Variants in DPP10 observed in about 807,000 individuals in gnomAD.
DPP10 encodes inactive dipeptidyl peptidase 10.
Under a neutral mutation model 120.9 loss-of-function variants are expected in DPP10, and 33 were observed. The ratio of observed to expected loss-of-function variants is 0.27; its 90% CI spans 0.21 to 0.37. DPP10 has a LOEUF of 0.37. DPP10 is among the 10% of genes least tolerant of loss of function. The pLI is 1.00. For synonymous variants in DPP10, 337 were observed against 326.1 expected (o/e 1.03, Z -0.36); for missense variants, 816 against 942.8 (o/e 0.87, Z 1.76).
intron 1 of DPP10, chr2:115,064,905 A>G: frequency 1.7e-6 from 2 of 1,205,888 alleles, no homozygotes; most frequent in Non-Finnish European, 2.2e-6. Context: ...GTCTTTTCCT[A>G]TTTTTCTTTT....
chr2:115,382,380 A>G (rs1265490721), intron 3 of DPP10, among the ~76,000 whole-genome samples: 30 of 152,006 alleles, frequency 2.0e-4, no homozygotes, highest in Middle Eastern at 3.4e-3. Context: ...GACCCCTTGC[A>G]CTTCCTGAGT....
At chr2:115,187,781 C>T (rs534857981) in intron 1 of DPP10, among the ~76,000 whole-genome samples, 8 of 152,182 alleles carry the variant, frequency 5.3e-5, no homozygotes, top group South Asian at 4.2e-4. Flanking sequence ...GCGGTCAGAT[C>T]GCTTGAGCCA....
At chr2:114,800,988 G>A (rs1684144373) in intron 1 of DPP10, among the ~76,000 whole-genome samples, 1 of 151,766 alleles carries the variant, frequency 6.6e-6, no homozygotes, top group African/African-American at 2.4e-5. Context: ...AATGGGCCGG[G>A]CACGGTGGCT....
At chr2:114,891,572 G>A (rs553795039) in intron 1 of DPP10, among the ~76,000 whole-genome samples, 1 of 152,290 alleles carries the variant, frequency 6.6e-6, no homozygotes, top group Non-Finnish European at 1.5e-5. Context: ...TGAGCTATGT[G>A]GAATGAACCA....
intron 1 of DPP10, among the ~76,000 whole-genome samples, chr2:114,509,590 G>T (rs1326670084): frequency 1.3e-5 from 2 of 152,326 alleles, no homozygotes; most frequent in East Asian, 3.9e-4. Context: ...ACAGCGTAGG[G>T]CTCCATACAG....
intron 1 of DPP10, among the ~76,000 whole-genome samples, chr2:114,556,471 G>A (rs1688324591): frequency 6.6e-6 from 1 of 151,810 alleles, no homozygotes; most frequent in South Asian, 2.1e-4. Context: ...AGACTTTGTG[G>A]GTAGTGAAGA....
chr2:115,316,218 G>C (rs2061784521), intron 2 of DPP10, among the ~76,000 whole-genome samples: 1 of 152,038 alleles, frequency 6.6e-6, no homozygotes, highest in Non-Finnish European at 1.5e-5. Context: ...ATTCATCTGA[G>C]TCTTACAAGT....
chr2:115,792,275 A>C (rs1242825581), intron 19 of DPP10, among the ~76,000 whole-genome samples: 1 of 152,150 alleles, frequency 6.6e-6, no homozygotes, highest in Non-Finnish European at 1.5e-5. Flanking sequence ...ACTGCTTTGT[A>C]GACTGAGTGA....
chr2:115,657,979 A>G (rs2088548553), intron 5 of DPP10, among the ~76,000 whole-genome samples: 1 of 151,946 alleles, frequency 6.6e-6, no homozygotes, highest in South Asian at 2.1e-4. Context: ...AAGATGTTAT[A>G]TGTCATATTT....
intron 1 of DPP10, among the ~76,000 whole-genome samples, chr2:114,690,411 C>A (rs761299633): frequency 6.6e-6 from 1 of 151,988 alleles, no homozygotes. Flanking sequence ...AGTCTTATTT[C>A]TGAGTTCTTC....
chr2:114,733,685 A>G (rs1469212837), intron 1 of DPP10, among the ~76,000 whole-genome samples: 1 of 152,162 alleles, frequency 6.6e-6, no homozygotes, highest in Admixed American at 6.5e-5. Flanking sequence ...TATGTTTTAG[A>G]TGACTGATAG....
chr2:115,155,277 G>C, intron 1 of DPP10, among the ~76,000 whole-genome samples: 1 of 152,248 alleles, frequency 6.6e-6, no homozygotes, highest in African/African-American at 2.4e-5. Flanking sequence ...ACACTACAAA[G>C]AGTGAAAGAA....
chr2:115,023,289 AATC>A (rs2105190065), intron 1 of DPP10, among the ~76,000 whole-genome samples: 1 of 152,158 alleles, frequency 6.6e-6, no homozygotes, highest in Non-Finnish European at 1.5e-5. Context: ...AAAAAACTCA[AATC>A]ATCAAGAAAA....
intron 7 of DPP10, among the ~76,000 whole-genome samples, chr2:115,690,191 C>T (rs578191119): frequency 7.9e-5 from 12 of 152,056 alleles, no homozygotes; most frequent in Non-Finnish European, 1.2e-4. Flanking sequence ...TTCAAGGTTA[C>T]TAGGACCTTG....
chr2:114,453,758 T>G (rs1320015138), intron 1 of DPP10, among the ~76,000 whole-genome samples: 4 of 152,194 alleles, frequency 2.6e-5, no homozygotes, highest in Non-Finnish European at 4.4e-5. Context: ...GACTTTTGTT[T>G]GCTATATTCA....
rs75390231 is a variant in DPP10, at chr2:114,850,710, A to G, written c.60+407872A>G. Among the ~76,000 whole-genome samples, 1,145 of 152,252 alleles carry G rather than the reference A, an allele frequency of 7.5e-3. 19 individuals are homozygous for G. The highest frequency in any genetic ancestry group is 0.026 in the African/African-American group (1,092 of 41,538). ...GAGAATGGGGAGTCCACTTCTCTCTATAGATACCATAACCAGTTCAAAAAG... is the reference window on the plus strand; with the variant it reads ...GAGAATGGGGAGTCCACTTCTCTCTGTAGATACCATAACCAGTTCAAAAAG... On this transcript the variant is annotated intron_variant, in intron 1 of 25. Transcript: ENST00000410059.
intron 3 of DPP10, among the ~76,000 whole-genome samples, chr2:115,389,034 C>T (rs1365932102): frequency 6.6e-6 from 1 of 152,118 alleles, no homozygotes; most frequent in Non-Finnish European, 1.5e-5. Flanking sequence ...ATAACTTCTC[C>T]AACTTTCCTT....
intron 21 of DPP10, among the ~76,000 whole-genome samples, chr2:115,835,438 G>A (rs569587779): frequency 2.0e-5 from 3 of 152,166 alleles, no homozygotes; most frequent in African/African-American, 4.8e-5. Flanking sequence ...TTCCTGGTGC[G>A]GAAAGAGAGG....
At chr2:114,485,185 G>A (rs948742107) in intron 1 of DPP10, among the ~76,000 whole-genome samples, 9 of 152,060 alleles carry the variant, frequency 5.9e-5, no homozygotes, top group African/African-American at 1.7e-4. Context: ...CATTGTTGTC[G>A]TTGTCAAAAG....
Sources: gnomAD v4.1 joint callset for allele counts (sites outside exome capture counted in the v4.1 genomes callset) on GRCh38, gnomAD v4.1.1 for gene constraint, MANE v1.5 for transcripts, NCBI Gene and HGNC (gene_info 2026-07-23, HGNC 2026-07-21) for gene names.